AFG1L: variants seen among roughly 807,000 people sequenced by gnomAD.
AFG1L encodes the protein AFG1-like ATPase.
Under a neutral mutation model 62.2 loss-of-function variants are expected in AFG1L, and 53 were observed. The observed-to-expected ratio is 0.85, with a 90% CI of 0.68 to 1.07. AFG1L has a LOEUF of 1.07. Among genes scored for constraint, AFG1L ranks in the 50% least tolerant of loss-of-function variants. The pLI is 0.00. For missense variants in AFG1L, 555 were observed against 590.5 expected, an observed-to-expected ratio of 0.94 and a Z score of 0.62; for synonymous variants, 228 against 210.3, an observed-to-expected ratio of 1.08 and a Z score of -0.73.
At chr6:108,518,442 T>C (rs1053679125) in intron 11 of AFG1L, among the ~76,000 whole-genome samples, 1 of 140,440 alleles carries the variant, frequency 7.1e-6, no homozygotes, top group African/African-American at 2.7e-5. Flanking sequence ...TAGGTGGAAA[T>C]TGAACAATGA....
intron 7 of AFG1L, among the ~76,000 whole-genome samples, chr6:108,406,959 T>G (rs1405715404): frequency 1.3e-5 from 2 of 152,248 alleles, no homozygotes; most frequent in Admixed American, 1.3e-4. Flanking sequence ...AGCTGTGGTT[T>G]GGGGTGTGCT....
In AFG1L at chr6:108,300,968, G is replaced by A. The variant is rs193280729; in HGVS notation, c.139+5750G>A. Reference sequence around the variant, plus strand: ...ATTATAGGCGTGAGCCACCACGCCCGGCCTGAACTTACTTTTAATTATCCA... The same window carrying A: ...ATTATAGGCGTGAGCCACCACGCCCAGCCTGAACTTACTTTTAATTATCCA... On this transcript the variant is annotated intron_variant, in intron 1 of 12. Transcript: ENST00000368977. 4.7e-4 allele frequency among the ~76,000 whole-genome samples: 71 copies of A among 152,160 alleles called. 1 individual carries two copies. Among genetic ancestry groups the A allele is most frequent in the African/African-American group, 1.6e-3 (65 of 41,486 alleles).
intron 1 of AFG1L, among the ~76,000 whole-genome samples, chr6:108,317,923 T>C (rs1777667120): frequency 2.0e-5 from 3 of 152,204 alleles, no homozygotes. Context: ...ATTATTTGTT[T>C]AATGTAGTAA....
intron 1 of AFG1L, among the ~76,000 whole-genome samples, chr6:108,323,130 C>G (rs1368836344): frequency 1.3e-5 from 2 of 152,138 alleles, no homozygotes; most frequent in Admixed American, 6.5e-5. Flanking sequence ...TGGGACTAGT[C>G]TTCACGTCTT....
At chr6:108,514,886 CAA>C (rs1774814547) in intron 11 of AFG1L, among the ~76,000 whole-genome samples, 1 of 152,054 alleles carries the variant, frequency 6.6e-6, no homozygotes, top group Non-Finnish European at 1.5e-5. Context: ...CAACAAAGAT[CAA>C]AAGAGACAAA....
intron 12 of AFG1L, chr6:108,520,966 A>G (rs1474737707): frequency 6.6e-6 from 1 of 152,272 alleles, no homozygotes; most frequent in African/African-American, 2.4e-5. Context: ...GGCTCCACCC[A>G]CAAGACCTAA....
intron 6 of AFG1L, among the ~76,000 whole-genome samples, chr6:108,378,850 G>GTTA (rs760891444): frequency 4.6e-4 from 69 of 150,512 alleles, no homozygotes; most frequent in East Asian, 7.8e-4. Context: ...TAATGTTGTT[G>GTTA]TTATTATTAT....
chr6:108,351,192 T>C (rs1779067960), intron 3 of AFG1L, among the ~76,000 whole-genome samples: 1 of 152,242 alleles, frequency 6.6e-6, no homozygotes, highest in African/African-American at 2.4e-5. Flanking sequence ...TATACTACTT[T>C]ATACAAGATG....
At chr6:108,396,872 A>G (rs1781332582) in intron 6 of AFG1L, among the ~76,000 whole-genome samples, 1 of 152,190 alleles carries the variant, frequency 6.6e-6, no homozygotes, top group Admixed American at 6.5e-5. Flanking sequence ...CACATCATGG[A>G]AAACTGGATA....
At chr6:108,418,245 A>G (rs1037990027) in intron 7 of AFG1L, among the ~76,000 whole-genome samples, 4 of 152,178 alleles carry the variant, frequency 2.6e-5, no homozygotes, top group Non-Finnish European at 5.9e-5. Flanking sequence ...CAGTGGCCAA[A>G]TCTGGCCTGC....
intron 7 of AFG1L, among the ~76,000 whole-genome samples, chr6:108,444,357 G>A (rs74946631): frequency 0.02 from 3,004 of 152,132 alleles, 96 homozygotes; most frequent in African/African-American, 0.068. Flanking sequence ...CTTTTTGCTG[G>A]TCTTGCCTCG....
chr6:108,519,111 G>A (rs1255457554), intron 11 of AFG1L, among the ~76,000 whole-genome samples: 2 of 152,188 alleles, frequency 1.3e-5, no homozygotes, highest in East Asian at 1.9e-4. Context: ...CAGCAGGTTT[G>A]GGTGTTTGGT....
intron 6 of AFG1L, among the ~76,000 whole-genome samples, chr6:108,397,472 G>T (rs1411881662): frequency 6.6e-6 from 1 of 152,084 alleles, no homozygotes; most frequent in African/African-American, 2.4e-5. Context: ...GGCCAGGCTG[G>T]TCTCAAACTC....
At chr6:108,335,620 G>A (rs1043411480) in intron 2 of AFG1L, among the ~76,000 whole-genome samples, 3 of 152,224 alleles carry the variant, frequency 2.0e-5, no homozygotes, top group Admixed American at 6.5e-5. Context: ...TTCTTTTGAT[G>A]AAGCGCAGAT....
chr6:108,503,936 T>C (rs1774298380), intron 10 of AFG1L, among the ~76,000 whole-genome samples: 1 of 152,264 alleles, frequency 6.6e-6, no homozygotes, highest in South Asian at 2.1e-4. Flanking sequence ...CAACCTCTGC[T>C]GGTTTCCGAT....
At chr6:108,317,593 G>A (rs1161234544) in intron 1 of AFG1L, among the ~76,000 whole-genome samples, 2 of 152,190 alleles carry the variant, frequency 1.3e-5, no homozygotes, top group African/African-American at 2.4e-5. Flanking sequence ...CCCCTGAGCA[G>A]TAAGGGATTG....
intron 10 of AFG1L, among the ~76,000 whole-genome samples, chr6:108,489,165 A>G (rs755380246): frequency 1.1e-4 from 16 of 152,212 alleles, no homozygotes; most frequent in Non-Finnish European, 2.2e-4. Flanking sequence ...TCTAAAACTC[A>G]GTAGAAACCT....
chr6:108,346,475 T>G (rs1778868654), intron 2 of AFG1L, among the ~76,000 whole-genome samples: 1 of 152,014 alleles, frequency 6.6e-6, no homozygotes, highest in South Asian at 2.1e-4. Flanking sequence ...AAACAATCCT[T>G]CAACTTCAGC....
intron 7 of AFG1L, among the ~76,000 whole-genome samples, chr6:108,403,619 A>G (rs1781725547): frequency 6.6e-6 from 1 of 152,152 alleles, no homozygotes; most frequent in Non-Finnish European, 1.5e-5. Context: ...CCATGCTAGG[A>G]ATCCAAAGTA....
Sources: allele counts gnomAD v4.1 joint callset (sites outside exome capture counted in the v4.1 genomes callset), GRCh38; gene constraint gnomAD v4.1.1; transcripts MANE v1.5; gene names NCBI Gene and HGNC (gene_info 2026-07-23, HGNC 2026-07-21).